MCC: variants seen among roughly 807,000 people sequenced by gnomAD.
The protein encoded by MCC is colorectal mutant cancer protein.
MCC carries 90 observed loss-of-function variants against 116.2 expected under a neutral mutation model. That is an observed-to-expected ratio of 0.77 (90% CI 0.65 to 0.92). MCC has a LOEUF of 0.92. Ranked by LOEUF, MCC falls within the 40% of genes least tolerant of loss-of-function variation. The pLI, the probability that MCC is intolerant of heterozygous loss-of-function variation, is 0.00. For synonymous variants in MCC, 578 were observed against 510.5 expected (o/e 1.13, Z -1.78); for missense variants, 1,516 against 1,312.2 (o/e 1.16, Z -2.40).
chr5:113,194,918 C>A (rs1288763573), intron 3 of MCC, among the ~76,000 whole-genome samples: 1 of 152,176 alleles, frequency 6.6e-6, no homozygotes, highest in African/African-American at 2.4e-5. Context: ...ACATGGCCCC[C>A]ACAGCAGGCC....
chr5:113,281,559 T>G (rs966036297), intron 3 of MCC, among the ~76,000 whole-genome samples: 1 of 152,120 alleles, frequency 6.6e-6, no homozygotes, highest in African/African-American at 2.4e-5. Flanking sequence ...ACAATAAACC[T>G]GGGACAAAAT....
intron 1 of MCC, among the ~76,000 whole-genome samples, chr5:113,460,964 A>T (rs923399419): frequency 6.6e-6 from 1 of 152,246 alleles, no homozygotes; most frequent in Non-Finnish European, 1.5e-5. Context: ...TTTAAGAAAT[A>T]GTTGCATTAA....
chr5:113,195,458 T>C (rs892285007), intron 3 of MCC, among the ~76,000 whole-genome samples: 3 of 152,040 alleles, frequency 2.0e-5, no homozygotes, highest in African/African-American at 7.2e-5. Flanking sequence ...TCTCTTCGTA[T>C]GACAGGCAGG....
chr5:113,234,253 C>T (rs1229684746), intron 3 of MCC, among the ~76,000 whole-genome samples: 5 of 152,036 alleles, frequency 3.3e-5, no homozygotes, highest in African/African-American at 1.2e-4. Context: ...CTGAAAATTA[C>T]CTTTAAATGC....
chr5:113,247,679 CACAGAGGG>C (rs1764628211), intron 3 of MCC, among the ~76,000 whole-genome samples: 1 of 152,026 alleles, frequency 6.6e-6, no homozygotes, highest in African/African-American at 2.4e-5. Context: ...GGGACCGGTC[CACAGAGGG>C]ACAGATGGAT....
chr5:113,247,810 A>G (rs1368794815), intron 3 of MCC, among the ~76,000 whole-genome samples: 17 of 152,180 alleles, frequency 1.1e-4, no homozygotes, highest in Admixed American at 1.1e-3. Flanking sequence ...TGGTGTCACC[A>G]TAACCAGAGG....
intron 3 of MCC, among the ~76,000 whole-genome samples, chr5:113,260,658 T>C (rs1272432676): frequency 6.6e-6 from 1 of 152,148 alleles, no homozygotes; most frequent in East Asian, 1.9e-4. Context: ...ATTTGCGACT[T>C]GAAAGGGTCT....
intron 1 of MCC, among the ~76,000 whole-genome samples, chr5:113,422,222 A>C (rs1770358203): frequency 6.6e-6 from 1 of 152,174 alleles, no homozygotes; most frequent in Non-Finnish European, 1.5e-5. Flanking sequence ...ACTGAAAATC[A>C]CATCTAGTGA....
At chr5:113,320,778 G>A (rs1767405278) in intron 3 of MCC, among the ~76,000 whole-genome samples, 1 of 152,198 alleles carries the variant, frequency 6.6e-6, no homozygotes, top group Non-Finnish European at 1.5e-5. Flanking sequence ...TGAAAACCAT[G>A]ATGGGTAAAT....
At chr5:113,418,225 T>A (rs893895600) in intron 1 of MCC, among the ~76,000 whole-genome samples, 25 of 151,570 alleles carry the variant, frequency 1.6e-4, no homozygotes, top group African/African-American at 6.1e-4. Context: ...TAAATAGGGG[T>A]ACACGTTGTG....
intron 3 of MCC, among the ~76,000 whole-genome samples, chr5:113,312,663 C>T (rs1291123659): frequency 6.6e-6 from 1 of 152,090 alleles, no homozygotes; most frequent in Non-Finnish European, 1.5e-5. Flanking sequence ...AGACTTGATC[C>T]AAAGAACTAT....
chr5:113,446,170 A>G (rs1308387547), intron 1 of MCC, among the ~76,000 whole-genome samples: 3 of 152,198 alleles, frequency 2.0e-5, no homozygotes, highest in Admixed American at 2.0e-4. Flanking sequence ...CTTAGGCAAC[A>G]CCATTCTGAA....
chr5:113,275,012 C>A (rs937739968), intron 3 of MCC, among the ~76,000 whole-genome samples: 2 of 152,194 alleles, frequency 1.3e-5, no homozygotes, highest in African/African-American at 4.8e-5. Context: ...AAAAACAAGG[C>A]CAGCTTGCAA....
intron 5 of MCC, among the ~76,000 whole-genome samples, chr5:113,129,460 A>C (rs1758297700): frequency 6.6e-6 from 1 of 152,190 alleles, no homozygotes; most frequent in South Asian, 2.1e-4. Context: ...TAAACAACAG[A>C]AATTTATTTT....
At chr5:113,245,246 C>T (rs947587488) in intron 3 of MCC, among the ~76,000 whole-genome samples, 26 of 149,748 alleles carry the variant, frequency 1.7e-4, no homozygotes, top group Admixed American at 1.1e-3. Flanking sequence ...AAGCCAAGAT[C>T]GCACCACTGC....
intron 1 of MCC, among the ~76,000 whole-genome samples, chr5:113,431,463 T>A (rs191562170): frequency 1.3e-5 from 2 of 152,190 alleles, no homozygotes; most frequent in Non-Finnish European, 2.9e-5. Context: ...TCCAGTATGA[T>A]CTTAACTAAT....
chr5:113,169,038 C>T (rs1052868381), intron 3 of MCC, among the ~76,000 whole-genome samples: 1 of 152,108 alleles, frequency 6.6e-6, no homozygotes, highest in African/African-American at 2.4e-5. Flanking sequence ...CACCAATCCC[C>T]AGCCCCAGAG....
At chr5:113,340,391 A>G (rs960469104) in intron 3 of MCC, 128 bp downstream of exon 3, 1 of 822,624 alleles carries the variant, frequency 1.2e-6, no homozygotes, top group Non-Finnish European at 1.9e-6. Flanking sequence ...CAATGCTGGA[A>G]ATGGTACAAT....
chr5:113,367,216 A>C (rs1319773229), intron 2 of MCC, among the ~76,000 whole-genome samples: 1 of 152,176 alleles, frequency 6.6e-6, no homozygotes, highest in East Asian at 1.9e-4. Flanking sequence ...AAATTATTAT[A>C]ATGAAAATAC....
Sources: allele counts gnomAD v4.1 joint callset (sites outside exome capture counted in the v4.1 genomes callset), GRCh38; gene constraint gnomAD v4.1.1; transcripts MANE v1.5; gene names NCBI Gene and HGNC (gene_info 2026-07-23, HGNC 2026-07-21).